The following FAP variants were observed in gnomAD, a reference collection of about 807,000 sequenced individuals.
FAP encodes the protein fibroblast activation protein alpha.
FAP carries 110 observed loss-of-function variants against 126.5 expected under a neutral mutation model. The observed-to-expected ratio is 0.87, with a 90% CI of 0.74 to 1.02. The LOEUF (loss-of-function observed/expected upper bound fraction) is 1.02, where lower values mean the gene tolerates loss of function less well. Ranked by LOEUF, FAP falls within the 50% of genes least tolerant of loss-of-function variation. The probability of loss-of-function intolerance (pLI) is 0.00; values close to 1 mark genes in which losing one functional copy is unlikely to be tolerated. For missense variants in FAP, 919 were observed against 909.2 expected (o/e 1.01, Z -0.14); for synonymous variants, 334 against 297.3 (o/e 1.12, Z -1.27).
intron 16 of FAP, among the ~76,000 whole-genome samples, chr2:162,195,401 CT>C (rs992879715): frequency 9.9e-5 from 15 of 151,928 alleles, no homozygotes; most frequent in Non-Finnish European, 1.9e-4. Context: ...CCCTAGATAG[CT>C]TGTAGAGTTG....
At chr2:162,235,235 A>G (rs1048325320) in intron 2 of FAP, among the ~76,000 whole-genome samples, 2 of 150,350 alleles carry the variant, frequency 1.3e-5, no homozygotes, top group African/African-American at 4.9e-5. Flanking sequence ...AGCCTCCCCA[A>G]CAAGCACTTC....
In FAP at chr2:162,224,591, A is replaced by G. The variant is rs376596405; in HGVS notation, c.286-51T>C. The G allele has an allele frequency of 2.5e-3, 2,910 of 1,146,842 alleles. 4 individuals carry two copies. The highest frequency in any genetic ancestry group is 3.3e-3 in the Non-Finnish European group (2,607 of 791,168). The allele number at this position is 1,146,842 out of a possible 1,614,324, so 71.0% of individuals were successfully genotyped here. On this transcript the variant is annotated intron_variant, in intron 4 of 25. Coordinates refer to ENST00000188790, the MANE Select transcript of FAP (RefSeq NM_004460.5). ...AATACAGAAAAGATAACAAAGAACC[A>G]TGTAAATTTGTAGTTTTAAAAGAAT... is the stretch of plus-strand genomic sequence containing the variant.
At chr2:162,178,087 T>C (rs773797582) in intron 21 of FAP, among the ~76,000 whole-genome samples, 3 of 152,170 alleles carry the variant, frequency 2.0e-5, no homozygotes, top group Non-Finnish European at 4.4e-5. Flanking sequence ...CAGAGTCTAA[T>C]ATAGTCTCAT....
At chr2:162,239,300 G>A (rs911769793) in intron 2 of FAP, among the ~76,000 whole-genome samples, 4 of 151,882 alleles carry the variant, frequency 2.6e-5, no homozygotes, top group East Asian at 1.9e-4. Context: ...GCCTCCTGAC[G>A]TTCTGGGATT....
At chr2:162,177,730 C>T (rs1338317486) in intron 21 of FAP, among the ~76,000 whole-genome samples, 1 of 152,090 alleles carries the variant, frequency 6.6e-6, no homozygotes, top group Non-Finnish European at 1.5e-5. Context: ...TATTGTCTTT[C>T]TCTCCAACCA....
chr2:162,217,610 T>G (rs576921952), intron 9 of FAP, among the ~76,000 whole-genome samples: 1 of 152,180 alleles, frequency 6.6e-6, no homozygotes, highest in African/African-American at 2.4e-5. Flanking sequence ...AAATTCAGCA[T>G]TTGTATTTCA....
chr2:162,199,994 A>C (rs1466782598), intron 15 of FAP, among the ~76,000 whole-genome samples: 1 of 152,178 alleles, frequency 6.6e-6, no homozygotes, highest in African/African-American at 2.4e-5. Flanking sequence ...GTTGGAATTA[A>C]ATGAAATTAC....
intron 2 of FAP, among the ~76,000 whole-genome samples, chr2:162,232,898 G>A (rs1689954209): frequency 6.6e-6 from 1 of 152,084 alleles, no homozygotes; most frequent in Non-Finnish European, 1.5e-5. Flanking sequence ...GTTTATTTTT[G>A]AAGACATCAG....
intron 2 of FAP, among the ~76,000 whole-genome samples, chr2:162,232,390 T>C (rs1019442073): frequency 1.3e-5 from 2 of 152,226 alleles, no homozygotes; most frequent in Non-Finnish European, 2.9e-5. Context: ...CATCTGGTTT[T>C]AGATACTTTG....
chr2:162,186,670 T>C (rs1687876927), intron 20 of FAP, among the ~76,000 whole-genome samples: 2 of 152,112 alleles, frequency 1.3e-5, no homozygotes, highest in South Asian at 4.1e-4. Flanking sequence ...CTAAATAAAT[T>C]ATAAATGAGG....
At chr2:162,228,332 A>G (rs1689746959) in intron 2 of FAP, among the ~76,000 whole-genome samples, 1 of 152,180 alleles carries the variant, frequency 6.6e-6, no homozygotes, top group South Asian at 2.1e-4. Flanking sequence ...CAGCTATACC[A>G]TGCTAGATTT....
chr2:162,221,568 G>T, intron 6 of FAP: 3 of 394,498 alleles, frequency 7.6e-6, no homozygotes, highest in African/African-American at 4.2e-5. Context: ...TTCACAATTT[G>T]TTCTCAAGCT....
chr2:162,199,841 T>C (rs1216264112), intron 15 of FAP, among the ~76,000 whole-genome samples: 1 of 152,224 alleles, frequency 6.6e-6, no homozygotes, highest in African/African-American at 2.4e-5. Context: ...TTATTTCCTC[T>C]GTTAGGGTTA....
intron 20 of FAP, among the ~76,000 whole-genome samples, chr2:162,185,155 A>C (rs1319321991): frequency 6.6e-6 from 1 of 152,204 alleles, no homozygotes; most frequent in Non-Finnish European, 1.5e-5. Context: ...GGTTATATCA[A>C]CAAAATGTCA....
At chr2:162,242,755 A>G (rs946135275) in intron 2 of FAP, among the ~76,000 whole-genome samples, 153 bp downstream of exon 2, 4 of 152,168 alleles carry the variant, frequency 2.6e-5, no homozygotes, top group Non-Finnish European at 5.9e-5. Context: ...GTCTTGCACA[A>G]CAACATATCT....
At chr2:162,209,867 T>C (rs1688855105) in intron 12 of FAP, 85 bp downstream of exon 12, 1 of 1,186,880 alleles carries the variant, frequency 8.4e-7, no homozygotes, top group Non-Finnish European at 1.3e-6. Flanking sequence ...GTAGTGCCAG[T>C]TTGGGTACAT....
intron 6 of FAP, 103 bp from the exon 7 acceptor site, chr2:162,220,028 G>A (rs1689324359): frequency 1.2e-6 from 1 of 805,842 alleles, no homozygotes; most frequent in Non-Finnish European, 2.1e-6. Context: ...GAAAATTAAG[G>A]ATCATTCCCT....
At chr2:162,172,934 T>C in intron 24 of FAP, 50 bp from the exon 25 acceptor site, 1 of 1,433,658 alleles carries the variant, frequency 7.0e-7, no homozygotes, top group South Asian at 1.1e-5. Context: ...CCAGAAAGCA[T>C]AGAGTGACAA....
At chr2:162,203,893 C>T (rs1375309567) in intron 12 of FAP, among the ~76,000 whole-genome samples, 3 of 152,182 alleles carry the variant, frequency 2.0e-5, no homozygotes, top group African/African-American at 7.2e-5. Flanking sequence ...TGCAAATGTT[C>T]TTACACCAAA....
Sources: gnomAD v4.1 joint callset for allele counts (sites outside exome capture counted in the v4.1 genomes callset) on GRCh38, gnomAD v4.1.1 for gene constraint, MANE v1.5 for transcripts, NCBI Gene and HGNC (gene_info 2026-07-23, HGNC 2026-07-21) for gene names.